ZFTRAF1: variants seen among roughly 807,000 people sequenced by gnomAD.
The protein encoded by ZFTRAF1 is zinc finger TRAF-type-containing protein 1.
the ZFTRAF1 span, among the ~76,000 whole-genome samples, chr8:144,459,978 G>C: frequency 6.6e-6 from 1 of 152,222 alleles, no homozygotes; most frequent in African/African-American, 2.4e-5. Flanking sequence ...GTGATGGCCA[G>C]CATGGGCCCA....
At chr8:144,460,680 C>T in the ZFTRAF1 span, among the ~76,000 whole-genome samples, 8 of 152,236 alleles carry the variant, frequency 5.3e-5, no homozygotes, top group Non-Finnish European at 1.0e-4. Context: ...GTCAGGAGTT[C>T]GAGACCAGCC....
chr8:144,461,812 G>T, the ZFTRAF1 span, among the ~76,000 whole-genome samples: 1 of 152,310 alleles, frequency 6.6e-6, no homozygotes, highest in East Asian at 1.9e-4. Flanking sequence ...TTCAGGAGTG[G>T]AGGGACAAAC....
chr8:144,457,812 C>T, the ZFTRAF1 span: 9 of 152,278 alleles, frequency 5.9e-5, no homozygotes, highest in Non-Finnish European at 1.0e-4. Context: ...GCATGGTTCT[C>T]TCAGACCCTG....
the ZFTRAF1 span, among the ~76,000 whole-genome samples, chr8:144,460,635 C>T: frequency 2.6e-5 from 4 of 152,248 alleles, no homozygotes; most frequent in African/African-American, 9.6e-5. Flanking sequence ...GTAATCTCAG[C>T]ACTTCAGAAG....
chr8:144,460,776 G>A, the ZFTRAF1 span, among the ~76,000 whole-genome samples: 10 of 152,298 alleles, frequency 6.6e-5, no homozygotes, highest in East Asian at 9.7e-4. Context: ...CCAGCTACTC[G>A]GGAGGCTGAG....
At chr8:144,452,343 C>T in the ZFTRAF1 span, 116 of 1,546,772 alleles carry the variant, frequency 7.5e-5, no homozygotes, top group South Asian at 2.7e-4. Flanking sequence ...ATGCAGCAGG[C>T]GGCGGGGCGC....
chr8:144,461,069 G>A, the ZFTRAF1 span, among the ~76,000 whole-genome samples: 1 of 152,266 alleles, frequency 6.6e-6, no homozygotes, highest in East Asian at 1.9e-4. Context: ...ACCCAGGAGG[G>A]TGGGTTAGAG....
the ZFTRAF1 span, among the ~76,000 whole-genome samples, chr8:144,459,455 G>T: frequency 6.6e-6 from 1 of 152,362 alleles, no homozygotes; most frequent in East Asian, 1.9e-4. Context: ...ACGTGAGGCA[G>T]GACTCGGCGG....
At chr8:144,452,621 G>A in the ZFTRAF1 span, 7 of 1,493,932 alleles carry the variant, frequency 4.7e-6, no homozygotes, top group South Asian at 2.5e-5. Context: ...ACAGGAGGCT[G>A]CAACAAGCTG....
the ZFTRAF1 span, chr8:144,457,509 T>G: frequency 6.6e-6 from 1 of 152,138 alleles, no homozygotes; most frequent in African/African-American, 2.4e-5. Context: ...CCCAGGCCCC[T>G]CTGCAGATGC....
the ZFTRAF1 span, among the ~76,000 whole-genome samples, chr8:144,461,333 T>C: frequency 1.7e-4 from 26 of 152,260 alleles, 1 homozygote; most frequent in East Asian, 4.8e-3. Flanking sequence ...TCACAGGGAC[T>C]GGGGAGTTGA....
At chr8:144,453,656 T>G in the ZFTRAF1 span, 1 of 588,090 alleles carries the variant, frequency 1.7e-6, no homozygotes, top group African/African-American at 1.9e-5. Context: ...CAGAGCCAGC[T>G]TGGGTTCTTG....
the ZFTRAF1 span, chr8:144,462,331 C>A: frequency 1.8e-6 from 1 of 546,804 alleles, no homozygotes; most frequent in South Asian, 2.1e-5. Context: ...TGCAGCACAG[C>A]ACCGAGTAGA....
At chr8:144,456,661 G>A in the ZFTRAF1 span, 19 of 152,226 alleles carry the variant, frequency 1.2e-4, no homozygotes, top group African/African-American at 2.9e-4. Context: ...CATCACAGAG[G>A]ATGATGTCAG....
chr8:144,456,773 CA>C, the ZFTRAF1 span: 3 of 147,616 alleles, frequency 2.0e-5, no homozygotes, highest in Admixed American at 6.7e-5. Context: ...AATGACATCA[CA>C]GGGGGGACAT....
At chr8:144,456,912 A>T in the ZFTRAF1 span, 6 of 150,930 alleles carry the variant, frequency 4.0e-5, no homozygotes, top group Admixed American at 4.0e-4. Context: ...ATGACATCAC[A>T]CTGGCATCAT....
chr8:144,457,447 C>T, the ZFTRAF1 span: 1 of 152,344 alleles, frequency 6.6e-6, no homozygotes, highest in African/African-American at 2.4e-5. Flanking sequence ...AATATCACCA[C>T]CTTGGGCAGC....
the ZFTRAF1 span, chr8:144,454,376 G>T: frequency 6.6e-6 from 1 of 152,380 alleles, no homozygotes; most frequent in Non-Finnish European, 1.5e-5. Context: ...AAAGCCTTTT[G>T]TACCTGAGCA....
the ZFTRAF1 span, among the ~76,000 whole-genome samples, chr8:144,460,120 G>A: frequency 1.0e-3 from 159 of 152,314 alleles, no homozygotes; most frequent in African/African-American, 3.7e-3. Context: ...TCACAGCCGA[G>A]AGCCACCCGC....
Sources: allele counts gnomAD v4.1 joint callset (sites outside exome capture counted in the v4.1 genomes callset), GRCh38; gene constraint gnomAD v4.1.1; transcripts MANE v1.5; gene names NCBI Gene and HGNC (gene_info 2026-07-23, HGNC 2026-07-21).